Variants in PRSS55 observed in about 807,000 individuals in gnomAD.
PRSS55 encodes serine protease 55.
A neutral mutation model predicts 23.6 loss-of-function variants in PRSS55; 41 were observed. That is an observed-to-expected ratio of 1.74 (90% confidence interval 1.35 to 2.26). The LOEUF (loss-of-function observed/expected upper bound fraction) is 2.26. PRSS55 is among the 30% of genes most tolerant of loss of function. The pLI is 0.00. For missense variants in PRSS55, 669 were observed against 439.1 expected, an observed-to-expected ratio of 1.52 and a Z score of -4.68; for synonymous variants, 262 against 175.5, an observed-to-expected ratio of 1.49 and a Z score of -3.90.
At position 10,532,758 on chromosome 8, in the gene PRSS55, T is replaced by A. The variant is rs1370263615; in HGVS notation, c.599-148T>A. On this transcript the variant is annotated intron_variant, in intron 3 of 4. Coordinates refer to ENST00000328655, the MANE Select transcript of PRSS55 (RefSeq NM_198464.4). ...GAGTGGGTAAGTTGCAGGCATGGGGTAACCTGAAGGAAGTGAGGGGCTGCA... is the reference window on the plus strand; with the variant it reads ...GAGTGGGTAAGTTGCAGGCATGGGGAAACCTGAAGGAAGTGAGGGGCTGCA... The A allele has an allele frequency of 4.4e-6, 4 of 916,082 alleles. No homozygotes were observed. In the African/African-American group the frequency reaches 5.0e-5, roughly 11 times the overall value. The allele number at this position is 916,082 out of a possible 1,614,324, so 56.7% of individuals were successfully genotyped here.
At chr8:10,549,995 C>T (rs1314736747) in intron 4 of PRSS55, among the ~76,000 whole-genome samples, 1 of 152,224 alleles carries the variant, frequency 6.6e-6, no homozygotes, top group Non-Finnish European at 1.5e-5. Flanking sequence ...TCTCAGCTCA[C>T]TGCAGCCTCC....
At chr8:10,549,381 C>T (rs1018911199) in intron 4 of PRSS55, among the ~76,000 whole-genome samples, 1 of 152,144 alleles carries the variant, frequency 6.6e-6, no homozygotes, top group African/African-American at 2.4e-5. Flanking sequence ...GTTGTAAGAG[C>T]CTAGGAGGGG....
chr8:10,544,365 T>C (rs766769158), intron 4 of PRSS55, among the ~76,000 whole-genome samples: 8 of 151,922 alleles, frequency 5.3e-5, no homozygotes, highest in Non-Finnish European at 1.2e-4. Flanking sequence ...ATCATTTGCA[T>C]AGTTTATCTG....
At chr8:10,538,347 A>G (rs1052481787) in intron 4 of PRSS55, 129 bp from the exon 5 acceptor site, 15 of 700,612 alleles carry the variant, frequency 2.1e-5, no homozygotes, top group Middle Eastern at 4.0e-4. Flanking sequence ...TCTCCCGTGG[A>G]GCAGGGATGG....
At chr8:10,542,932 A>T (rs1324902444), downstream of PRSS55, among the ~76,000 whole-genome samples, 1 of 150,580 alleles carries the variant, frequency 6.6e-6, no homozygotes, top group African/African-American at 2.4e-5. Context: ...ATCAAGAATC[A>T]AGGCTCAGGT....
At chr8:10,528,985 C>G (rs1311365515) in intron 1 of PRSS55, among the ~76,000 whole-genome samples, 3 of 152,218 alleles carry the variant, frequency 2.0e-5, no homozygotes, top group Non-Finnish European at 4.4e-5. Flanking sequence ...TCTCAAGGGC[C>G]TCAGTGATTC....
Position 10,531,365 on chromosome 8 carries a change from GC to G in PRSS55, c.420del (p.Ser141AlafsTer31). On this transcript the variant is annotated frameshift_variant, in exon 3 of 5. Coordinates refer to ENST00000328655, the MANE Select transcript of PRSS55 (RefSeq NM_198464.4). LOFTEE classifies it high-confidence loss of function. Reference protein sequence around the residue: ...TSPSMEIKEVASIILHKDFKR... With the variant: ...TSPSMEIKEVXSIILHKDFKR... The stretch of plus-strand genomic sequence containing the variant: ...CCCATCCATGGAAATAAAGGAGGTC[GC>G]CAGCATCATTCTTCACAAAGACTTT... 1 of 1,614,154 alleles carries G rather than the reference GC, an allele frequency of 6.2e-7. No homozygotes were observed. The highest frequency in any genetic ancestry group is 8.5e-7 in the Non-Finnish European group (1 of 1,180,030).
intron 4 of PRSS55, chr8:10,544,929 G>C (rs1812777208): frequency 1.4e-6 from 1 of 723,236 alleles, no homozygotes; most frequent in African/African-American, 1.9e-5. Context: ...GAAGAAAGGA[G>C]ATAAAGTATG....
intron 4 of PRSS55, among the ~76,000 whole-genome samples, chr8:10,533,498 C>T (rs1216788201): frequency 6.6e-6 from 1 of 152,100 alleles, no homozygotes; most frequent in African/African-American, 2.4e-5. Context: ...GATAAACAAA[C>T]AATGATAAAA....
chr8:10,526,314 C>A (rs1405543818), intron 1 of PRSS55, among the ~76,000 whole-genome samples: 1 of 152,200 alleles, frequency 6.6e-6, no homozygotes, highest in African/African-American at 2.4e-5. Flanking sequence ...GAACTCAAAG[C>A]CTGAGGAAGA....
chr8:10,533,303 C>T (rs559751989), intron 4 of PRSS55, among the ~76,000 whole-genome samples: 171 of 151,006 alleles, frequency 1.1e-3, no homozygotes, highest in Non-Finnish European at 2.0e-3. Context: ...GTAAAAAGGA[C>T]GCCAAGGCTT....
downstream of PRSS55, chr8:10,541,478 G>A (rs567201200): frequency 3.1e-4 from 47 of 152,250 alleles, no homozygotes; most frequent in African/African-American, 1.1e-3. Flanking sequence ...CTAAACCAGA[G>A]CAGCACCACC....
intron 1 of PRSS55, among the ~76,000 whole-genome samples, chr8:10,526,811 A>G (rs1315478327): frequency 6.6e-6 from 1 of 152,226 alleles, no homozygotes; most frequent in African/African-American, 2.4e-5. Flanking sequence ...TCCACACATC[A>G]GTCTTATAAA....
At chr8:10,528,876 G>A (rs1412044255) in intron 1 of PRSS55, among the ~76,000 whole-genome samples, 9 of 152,086 alleles carry the variant, frequency 5.9e-5, no homozygotes, top group Admixed American at 5.2e-4. Flanking sequence ...ACTTCTCTGG[G>A]CCCCTGCCTT....
intron 4 of PRSS55, among the ~76,000 whole-genome samples, 165 bp from the exon 5 acceptor site, chr8:10,538,311 C>T (rs1345468918): frequency 6.6e-6 from 1 of 152,220 alleles, no homozygotes; most frequent in African/African-American, 2.4e-5. Context: ...CTACAACCTC[C>T]AGAGCCAACC....
At chr8:10,548,125 G>A (rs1402682233) in intron 4 of PRSS55, among the ~76,000 whole-genome samples, 1 of 152,188 alleles carries the variant, frequency 6.6e-6, no homozygotes, top group East Asian at 1.9e-4. Context: ...GATTCCCAGA[G>A]CTTTGCAGAA....
At chr8:10,536,178 C>G (rs994466685) in intron 4 of PRSS55, among the ~76,000 whole-genome samples, 9 of 152,028 alleles carry the variant, frequency 5.9e-5, no homozygotes, top group African/African-American at 2.2e-4. Flanking sequence ...CAGAGCGAGA[C>G]TCTGTCTCAA....
At chr8:10,541,793 C>G (rs1257656990), downstream of PRSS55, among the ~76,000 whole-genome samples, 2 of 152,140 alleles carry the variant, frequency 1.3e-5, no homozygotes, top group Admixed American at 1.3e-4. Context: ...TGGCCTCACT[C>G]TGTCGCCCAG....
intron 4 of PRSS55, among the ~76,000 whole-genome samples, chr8:10,549,933 A>G (rs1812914601): frequency 1.3e-5 from 2 of 151,944 alleles, no homozygotes; most frequent in African/African-American, 4.8e-5. Context: ...TTTTATTTTT[A>G]ATTTTTGAGA....
Sources: gnomAD v4.1 joint callset for allele counts (sites outside exome capture counted in the v4.1 genomes callset) on GRCh38, gnomAD v4.1.1 for gene constraint, MANE v1.5 for transcripts, NCBI Gene and HGNC (gene_info 2026-07-23, HGNC 2026-07-21) for gene names.